The following TRPM3 variants were observed in gnomAD, a reference collection of about 807,000 sequenced individuals.
TRPM3 encodes long transient receptor potential channel 3.
Under a neutral mutation model 181.2 loss-of-function variants are expected in TRPM3, and 77 were observed. That is an observed-to-expected ratio of 0.42 (90% CI 0.35 to 0.51). The LOEUF is 0.51. Ranked by LOEUF, TRPM3 falls within the 20% of genes least tolerant of loss-of-function variation. The pLI is 0.01. For synonymous variants in TRPM3, 745 were observed against 796.4 expected, an observed-to-expected ratio of 0.94 and a Z score of 1.09; for missense variants, 1,759 against 2,196.7, an observed-to-expected ratio of 0.80 and a Z score of 3.98.
At chr9:71,374,200 C>A (rs560870752) in intron 1 of TRPM3, among the ~76,000 whole-genome samples, 6 of 152,186 alleles carry the variant, frequency 3.9e-5, no homozygotes, top group African/African-American at 1.4e-4. Context: ...ATGGTGAAAC[C>A]CCATCTCTAC....
At chr9:70,811,146 A>G (rs1390998275) in intron 6 of TRPM3, 1 of 1,574,812 alleles carries the variant, frequency 6.3e-7, no homozygotes, top group Non-Finnish European at 8.7e-7. Context: ...GAAGAAATTC[A>G]CATTTTCCAT....
chr9:71,024,995 C>T (rs1447294422), intron 1 of TRPM3, among the ~76,000 whole-genome samples: 1 of 152,148 alleles, frequency 6.6e-6, no homozygotes, highest in Non-Finnish European at 1.5e-5. Context: ...AACTGGTTCA[C>T]CAATACCTCT....
At chr9:70,651,099 T>G (rs1175273158) in intron 9 of TRPM3, among the ~76,000 whole-genome samples, 4 of 152,162 alleles carry the variant, frequency 2.6e-5, no homozygotes, top group African/African-American at 9.6e-5. Context: ...AGAAAAGGTG[T>G]GTACAAAGAG....
chr9:71,399,865 T>A (rs2093301682), intron 1 of TRPM3, among the ~76,000 whole-genome samples: 2 of 152,154 alleles, frequency 1.3e-5, no homozygotes, highest in Non-Finnish European at 2.9e-5. Context: ...GTTGTTGATT[T>A]TTTTCTGAAT....
chr9:70,590,996 T>C (rs1164684039), intron 22 of TRPM3, 35 bp downstream of exon 22: 1 of 1,613,768 alleles, frequency 6.2e-7, no homozygotes, highest in Non-Finnish European at 8.5e-7. Flanking sequence ...TTTAAATACC[T>C]GACTTTGGTG....
intron 1 of TRPM3, among the ~76,000 whole-genome samples, chr9:71,422,779 T>G (rs1046003649): frequency 1.3e-5 from 2 of 152,026 alleles, no homozygotes; most frequent in Non-Finnish European, 2.9e-5. Flanking sequence ...AACACACATA[T>G]TATTTGATAT....
chr9:71,184,210 C>T (rs1209783771), intron 1 of TRPM3, among the ~76,000 whole-genome samples: 2 of 152,074 alleles, frequency 1.3e-5, no homozygotes, highest in South Asian at 2.1e-4. Context: ...CTAAGAACAA[C>T]AGCTCTCAAA....
intron 1 of TRPM3, among the ~76,000 whole-genome samples, chr9:71,176,711 G>T (rs12551864): frequency 6.6e-6 from 1 of 151,856 alleles, no homozygotes; most frequent in Non-Finnish European, 1.5e-5. Flanking sequence ...CCAGTCCTGC[G>T]AGCTCCATTC....
chr9:70,791,358 T>G (rs1274404556), intron 6 of TRPM3, among the ~76,000 whole-genome samples: 1 of 152,200 alleles, frequency 6.6e-6, no homozygotes, highest in Non-Finnish European at 1.5e-5. Flanking sequence ...TCTAAATACT[T>G]ATGGTTCTCT....
intron 6 of TRPM3, among the ~76,000 whole-genome samples, chr9:70,785,491 G>A (rs1217702788): frequency 1.3e-5 from 2 of 152,100 alleles, no homozygotes; most frequent in South Asian, 4.1e-4. Context: ...CTTAGAGGGC[G>A]CACACAGCAG....
chr9:70,785,507 T>C (rs1031542854), intron 6 of TRPM3, among the ~76,000 whole-genome samples: 2 of 152,184 alleles, frequency 1.3e-5, no homozygotes, highest in African/African-American at 2.4e-5. Flanking sequence ...AGCAGTTATC[T>C]TAAAAAAGAA....
intron 1 of TRPM3, among the ~76,000 whole-genome samples, chr9:70,957,853 C>T (rs1232986647): frequency 1.3e-5 from 2 of 152,162 alleles, no homozygotes; most frequent in Non-Finnish European, 2.9e-5. Context: ...GCACTCCTTA[C>T]AAGCTTTGGC....
At chr9:71,243,346 C>T (rs756361773) in intron 1 of TRPM3, among the ~76,000 whole-genome samples, 1 of 152,186 alleles carries the variant, frequency 6.6e-6, no homozygotes, top group Non-Finnish European at 1.5e-5. Flanking sequence ...TCTCTTATTA[C>T]CTGCCTTCAT....
intron 3 of TRPM3, among the ~76,000 whole-genome samples, chr9:70,858,206 T>C (rs1300591094): frequency 6.6e-6 from 1 of 152,168 alleles, no homozygotes; most frequent in East Asian, 1.9e-4. Flanking sequence ...TTAAAAATAA[T>C]TTCAACTTTC....
intron 1 of TRPM3, among the ~76,000 whole-genome samples, chr9:71,193,653 T>C (rs190580431): frequency 6.6e-6 from 1 of 151,924 alleles, no homozygotes; most frequent in Non-Finnish European, 1.5e-5. Flanking sequence ...ACTCTGTAAG[T>C]CCAAAACAAA....
rs1044857216 is a variant in TRPM3, at chr9:70,531,610, A to G, written c.*4343T>C. 6.6e-6 allele frequency: 1 copy of G among 152,238 alleles called. No homozygotes were observed. The highest frequency in any genetic ancestry group is 1.5e-5 in the Non-Finnish European group (1 of 68,044). 9.4% of individuals were successfully genotyped at this position (152,238 alleles called of 1,614,324 possible). On this transcript the variant is annotated 3_prime_UTR_variant, in exon 26 of 26. Transcript: ENST00000677713. ...AATATATAACCACCTACACACTAGT[A>G]TCACTTTATCTAGAAACAACATAGT...
intron 8 of TRPM3, among the ~76,000 whole-genome samples, chr9:70,692,565 C>T (rs2068915819): frequency 6.6e-6 from 1 of 152,162 alleles, no homozygotes; most frequent in Admixed American, 6.5e-5. Flanking sequence ...AATGGCACTG[C>T]AAAACACAGG....
intron 1 of TRPM3, among the ~76,000 whole-genome samples, chr9:70,980,367 G>A (rs1335736712): frequency 6.6e-6 from 1 of 150,952 alleles, no homozygotes; most frequent in South Asian, 2.1e-4. Context: ...GTCAGAAGGG[G>A]GAAAGAGAGA....
At chr9:70,950,061 G>GA (rs200963775) in intron 1 of TRPM3, among the ~76,000 whole-genome samples, 91 of 150,020 alleles carry the variant, frequency 6.1e-4, no homozygotes, top group Middle Eastern at 3.4e-3. Flanking sequence ...TACTAAAATT[G>GA]AAAAAAAAAT....
Sources: gnomAD v4.1 joint callset for allele counts (sites outside exome capture counted in the v4.1 genomes callset) on GRCh38, gnomAD v4.1.1 for gene constraint, MANE v1.5 for transcripts, NCBI Gene and HGNC (gene_info 2026-07-23, HGNC 2026-07-21) for gene names.